The following DAB1 variants were observed in gnomAD, a reference collection of about 807,000 sequenced individuals.
DAB1 encodes disabled homolog 1.
In DAB1, 15 loss-of-function variants were observed where a neutral mutation model predicts 64.6. The ratio of observed to expected loss-of-function variants is 0.23; its 90% CI spans 0.16 to 0.36. DAB1 has a LOEUF of 0.36. Among genes scored for constraint, DAB1 ranks in the 10% least tolerant of loss-of-function variants. The pLI is 1.00. For synonymous variants in DAB1, 235 were observed against 251.9 expected, an observed-to-expected ratio of 0.93 and a Z score of 0.64; for missense variants, 596 against 706.7, an observed-to-expected ratio of 0.84 and a Z score of 1.78.
intron 7 of DAB1, among the ~76,000 whole-genome samples, chr1:57,562,199 C>T (rs1211418342): frequency 6.6e-6 from 1 of 152,100 alleles, no homozygotes; most frequent in Admixed American, 6.5e-5. Context: ...ATGATGAAAC[C>T]CCATCTCTAC....
chr1:57,523,592 C>G (rs1008428720), intron 7 of DAB1, among the ~76,000 whole-genome samples: 10 of 152,096 alleles, frequency 6.6e-5, no homozygotes, highest in African/African-American at 2.2e-4. Context: ...GGACCATTAT[C>G]ACATGCATGG....
chr1:57,552,695 T>A (rs1444833547), intron 7 of DAB1, among the ~76,000 whole-genome samples: 1 of 151,970 alleles, frequency 6.6e-6, no homozygotes, highest in African/African-American at 2.4e-5. Context: ...AGCAGTGTAG[T>A]GAGGGTTGAG....
At chr1:57,303,334 A>T (rs1673832784) in intron 1 of DAB1, among the ~76,000 whole-genome samples, 3 of 152,160 alleles carry the variant, frequency 2.0e-5, no homozygotes. Flanking sequence ...TGTATGTGTT[A>T]CTGCCCTGCT....
At chr1:57,980,081 T>A (rs1646025480) in intron 5 of DAB1, among the ~76,000 whole-genome samples, 1 of 152,174 alleles carries the variant, frequency 6.6e-6, no homozygotes, top group Non-Finnish European at 1.5e-5. Context: ...GGCACTCTCC[T>A]CAGAGCAACC....
intron 5 of DAB1, among the ~76,000 whole-genome samples, chr1:58,147,401 G>A (rs1456336711): frequency 5.3e-5 from 8 of 150,624 alleles, no homozygotes; most frequent in Non-Finnish European, 7.4e-5. Context: ...GGCGGATCAC[G>A]AGGTCAGGAG....
chr1:58,359,873 A>T (rs1644148172), intron 3 of DAB1, among the ~76,000 whole-genome samples: 1 of 152,212 alleles, frequency 6.6e-6, no homozygotes, highest in African/African-American at 2.4e-5. Context: ...AACTGACCTA[A>T]GTTCAAAGCC....
intron 5 of DAB1, among the ~76,000 whole-genome samples, chr1:58,002,943 T>C (rs970655699): frequency 2.6e-5 from 4 of 152,164 alleles, no homozygotes; most frequent in Non-Finnish European, 5.9e-5. Context: ...TTATACAGGT[T>C]TATTATTATA....
downstream of DAB1, among the ~76,000 whole-genome samples, chr1:57,822,998 T>TA (rs1252164308): frequency 1.3e-5 from 2 of 150,364 alleles, no homozygotes; most frequent in Non-Finnish European, 3.0e-5. Flanking sequence ...TTTTTTTTTT[T>TA]TTTTGAGATG....
chr1:57,860,292 C>T (rs2101940275), intron 1 of DAB1, among the ~76,000 whole-genome samples: 1 of 152,294 alleles, frequency 6.6e-6, no homozygotes, highest in East Asian at 1.9e-4. Flanking sequence ...GAAGTAAGTG[C>T]TATTACTGTT....
chr1:57,804,914 G>C (rs1301276848), intron 6 of DAB1, among the ~76,000 whole-genome samples: 1 of 152,192 alleles, frequency 6.6e-6, no homozygotes, highest in East Asian at 1.9e-4. Context: ...TTGGAGATTT[G>C]TATTTTTTGT....
At chr1:58,347,139 C>T (rs892344566) in intron 3 of DAB1, among the ~76,000 whole-genome samples, 1 of 152,132 alleles carries the variant, frequency 6.6e-6, no homozygotes, top group East Asian at 1.9e-4. Context: ...CAAAGTTTCG[C>T]TCTTGTTGCC....
intron 1 of DAB1, among the ~76,000 whole-genome samples, chr1:57,293,789 A>C (rs1672974768): frequency 6.6e-6 from 1 of 152,126 alleles, no homozygotes. Context: ...AATTGTATAA[A>C]ACTGGATTGG....
chr1:57,969,378 T>C (rs1645743634), intron 5 of DAB1, among the ~76,000 whole-genome samples: 1 of 152,202 alleles, frequency 6.6e-6, no homozygotes, highest in Non-Finnish European at 1.5e-5. Flanking sequence ...GATCTCACTC[T>C]GTCACCCAGG....
At chr1:57,245,099 G>C (rs1302709537) in intron 2 of DAB1, among the ~76,000 whole-genome samples, 1 of 152,148 alleles carries the variant, frequency 6.6e-6, no homozygotes, top group Non-Finnish European at 1.5e-5. Flanking sequence ...ATACTGATAG[G>C]GATATGGAAA....
At chr1:57,403,380 T>C (rs759553870) in intron 1 of DAB1, among the ~76,000 whole-genome samples, 3 of 152,202 alleles carry the variant, frequency 2.0e-5, no homozygotes, top group Non-Finnish European at 2.9e-5. Context: ...GGCAAAGCTG[T>C]GGTGTGGAAA....
At chr1:57,318,145 A>G (rs1351323376) in intron 1 of DAB1, among the ~76,000 whole-genome samples, 1 of 119,212 alleles carries the variant, frequency 8.4e-6, no homozygotes, top group Non-Finnish European at 1.7e-5. Context: ...GAAATTTCCC[A>G]GCTGCAACTC....
chr1:57,948,827 C>G (rs920709147), intron 5 of DAB1, among the ~76,000 whole-genome samples: 1 of 152,150 alleles, frequency 6.6e-6, no homozygotes, highest in African/African-American at 2.4e-5. Context: ...GAAGCCAAGC[C>G]AAGAAATAGA....
intron 3 of DAB1, among the ~76,000 whole-genome samples, chr1:58,344,543 C>A (rs756323718): frequency 6.6e-6 from 1 of 152,142 alleles, no homozygotes; most frequent in Non-Finnish European, 1.5e-5. Flanking sequence ...TCTCACCCTC[C>A]ACCCCCTGCC....
At chr1:57,062,782 T>C in intron 9 of DAB1, 102 bp downstream of exon 9, 1 of 946,902 alleles carries the variant, frequency 1.1e-6, no homozygotes, top group East Asian at 2.5e-5. Flanking sequence ...TGTGGGGCCA[T>C]GACACTCATT....
Sources: gnomAD v4.1 joint callset for allele counts (sites outside exome capture counted in the v4.1 genomes callset) on GRCh38, gnomAD v4.1.1 for gene constraint, MANE v1.5 for transcripts, NCBI Gene and HGNC (gene_info 2026-07-23, HGNC 2026-07-21) for gene names.